Variants in WDR70 observed in about 807,000 individuals in gnomAD.
WDR70 encodes WD repeat-containing protein 70.
WDR70 carries 53 observed loss-of-function variants against 88.6 expected under a neutral mutation model. The ratio of observed to expected loss-of-function variants is 0.60; its 90% CI spans 0.48 to 0.75. WDR70 has a LOEUF of 0.75. WDR70 is among the 30% of genes least tolerant of loss of function. The probability of loss-of-function intolerance (pLI) is 0.00; values close to 1 mark genes in which losing one functional copy is unlikely to be tolerated. For missense variants in WDR70, 610 were observed against 823.2 expected (o/e 0.74, Z 3.17); for synonymous variants, 280 against 270.0 (o/e 1.04, Z -0.36).
chr5:37,641,434 T>TA (rs1745101217), intron 10 of WDR70, among the ~76,000 whole-genome samples: 1 of 117,088 alleles, frequency 8.5e-6, no homozygotes, highest in Non-Finnish European at 1.8e-5. Context: ...TTTTTTTTTT[T>TA]AAGACAGACT....
At chr5:37,586,897 CACACAGCTCTCTG>C (rs1038356722) in intron 9 of WDR70, among the ~76,000 whole-genome samples, 4 of 152,144 alleles carry the variant, frequency 2.6e-5, no homozygotes, top group African/African-American at 9.7e-5. Context: ...ACCTGAATGT[CACACAGCTCTCTG>C]ACACTTAACT....
At chr5:37,496,594 A>G (rs748278978) in intron 8 of WDR70, among the ~76,000 whole-genome samples, 10 of 152,232 alleles carry the variant, frequency 6.6e-5, no homozygotes, top group Non-Finnish European at 1.3e-4. Flanking sequence ...CAATAGGGGT[A>G]GTTTTCTTTT....
intron 17 of WDR70, among the ~76,000 whole-genome samples, chr5:37,731,434 G>A (rs1042961760): frequency 6.6e-6 from 1 of 152,124 alleles, no homozygotes; most frequent in Non-Finnish European, 1.5e-5. Context: ...GTCATATCAA[G>A]GCTGGCCAGC....
intron 5 of WDR70, among the ~76,000 whole-genome samples, chr5:37,432,645 C>T (rs1750343905): frequency 6.6e-6 from 1 of 152,124 alleles, no homozygotes. Context: ...ATCCGCCCAC[C>T]TCAGCCTCCC....
intron 9 of WDR70, among the ~76,000 whole-genome samples, chr5:37,518,977 A>C (rs1025004650): frequency 1.6e-4 from 25 of 152,164 alleles, no homozygotes; most frequent in African/African-American, 5.8e-4. Context: ...TTGACACAGC[A>C]CATGTTTCAG....
chr5:37,667,264 G>C (rs776306882), intron 10 of WDR70, among the ~76,000 whole-genome samples: 9 of 152,152 alleles, frequency 5.9e-5, no homozygotes, highest in Non-Finnish European at 1.3e-4. Context: ...TTCACTGAGG[G>C]CCATTCATTT....
At chr5:37,385,307 C>T (rs1486966411) in intron 3 of WDR70, among the ~76,000 whole-genome samples, 1 of 151,766 alleles carries the variant, frequency 6.6e-6, no homozygotes, top group Non-Finnish European at 1.5e-5. Flanking sequence ...ATCACTTGAG[C>T]CCAGGAGTTT....
intron 9 of WDR70, among the ~76,000 whole-genome samples, chr5:37,519,513 C>T (rs75914597): frequency 2.1e-5 from 3 of 144,290 alleles, no homozygotes; most frequent in Non-Finnish European, 3.0e-5. Context: ...CGGGCGGAGG[C>T]GCTCCTCACC....
intron 7 of WDR70, among the ~76,000 whole-genome samples, chr5:37,459,585 C>T (rs1228685919): frequency 3.7e-5 from 2 of 54,556 alleles, no homozygotes; most frequent in African/African-American, 1.0e-4. Context: ...CCATAAAAAC[C>T]CTAGAAGAAA....
At chr5:37,642,575 T>A (rs1745132329) in intron 10 of WDR70, among the ~76,000 whole-genome samples, 1 of 152,200 alleles carries the variant, frequency 6.6e-6, no homozygotes, top group Non-Finnish European at 1.5e-5. Flanking sequence ...AGCTCCAAAC[T>A]GTTCTACATA....
intron 5 of WDR70, among the ~76,000 whole-genome samples, chr5:37,416,581 TTC>T (rs1295620924): frequency 4.8e-5 from 7 of 146,538 alleles, no homozygotes; most frequent in Admixed American, 4.7e-4. Flanking sequence ...GGGAGAGGGC[TTC>T]TTTTTTTTTT....
intron 13 of WDR70, among the ~76,000 whole-genome samples, chr5:37,714,526 A>AGCCTGAG (rs11282366): frequency 0.67 from 101,510 of 151,276 alleles, 37,756 homozygotes; most frequent in East Asian, 0.89. Flanking sequence ...AGAAATGACT[A>AGCCTGAG]GCCCCAGTGC....
At chr5:37,554,582 A>G (rs905618222) in intron 9 of WDR70, among the ~76,000 whole-genome samples, 1 of 152,156 alleles carries the variant, frequency 6.6e-6, no homozygotes, top group African/African-American at 2.4e-5. Flanking sequence ...CAAGGCAGAA[A>G]TAAGCAGAAG....
At chr5:37,747,555 G>A (rs1381934191) in intron 17 of WDR70, among the ~76,000 whole-genome samples, 1 of 152,154 alleles carries the variant, frequency 6.6e-6, no homozygotes, top group East Asian at 1.9e-4. Context: ...CATTGAATGG[G>A]CAAAAGCTGA....
chr5:37,561,922 G>A (rs772029965), intron 9 of WDR70, among the ~76,000 whole-genome samples: 6 of 152,184 alleles, frequency 3.9e-5, no homozygotes, highest in Admixed American at 3.3e-4. Flanking sequence ...AAGGTTGAAG[G>A]AAATAGTGGC....
chr5:37,474,254 A>G (rs897968216), intron 7 of WDR70, among the ~76,000 whole-genome samples: 1 of 152,174 alleles, frequency 6.6e-6, no homozygotes, highest in Non-Finnish European at 1.5e-5. Flanking sequence ...GCATATGTCA[A>G]TTTTTTAAAC....
chr5:37,517,393 GT>G (rs1454744066), intron 9 of WDR70, among the ~76,000 whole-genome samples: 2 of 147,160 alleles, frequency 1.4e-5, no homozygotes, highest in Non-Finnish European at 3.0e-5. Flanking sequence ...TTGAGATGGA[GT>G]TTCGCTCTTG....
intron 13 of WDR70, among the ~76,000 whole-genome samples, chr5:37,713,099 A>C (rs1747562080): frequency 1.3e-5 from 2 of 152,192 alleles, no homozygotes; most frequent in African/African-American, 2.4e-5. Flanking sequence ...CTTTGAAATA[A>C]CGTTTACTGT....
At chr5:37,396,844 A>C (rs1195552387) in intron 5 of WDR70, among the ~76,000 whole-genome samples, 1 of 152,044 alleles carries the variant, frequency 6.6e-6, no homozygotes, top group African/African-American at 2.4e-5. Context: ...ACAAACAAAA[A>C]ACCAAACCGA....
Sources: gnomAD v4.1 joint callset for allele counts (sites outside exome capture counted in the v4.1 genomes callset) on GRCh38, gnomAD v4.1.1 for gene constraint, MANE v1.5 for transcripts, NCBI Gene and HGNC (gene_info 2026-07-23, HGNC 2026-07-21) for gene names.